Variants in PPP1R3D observed in about 807,000 individuals in gnomAD.
The protein encoded by PPP1R3D is PP1 subunit R6.
In PPP1R3D, 27 loss-of-function variants were observed where a neutral mutation model predicts 16.3. The observed-to-expected ratio is 1.66, with a 90% CI of 1.22 to 2.29. PPP1R3D has a LOEUF of 2.29. Ranked by LOEUF, PPP1R3D falls within the 30% of genes most tolerant of loss-of-function variation. The pLI is 0.00. For missense variants in PPP1R3D, 472 were observed against 438.3 expected (o/e 1.08, Z -0.69); for synonymous variants, 223 against 209.7 (o/e 1.06, Z -0.55).
chr20:59,939,889 C>G lies in PPP1R3D; in HGVS notation c.43G>C (p.Gly15Arg), dbSNP rs775847909. The change falls in exon 1 of 1, where the codon GGA becomes CGA. Residue 15 changes from glycine (G) to arginine (R), a missense_variant. Physicochemically the swap from Gly to Arg is moderately radical, Grantham distance 125. Transcript: ENST00000370996. Reference sequence around the variant, plus strand: ...CTCCGGGGGCCGAGCTTCCGGGATCCCAGGGCGCTAGGCAGGACCGCGGAG... The same window carrying G: ...CTCCGGGGGCCGAGCTTCCGGGATCGCAGGGCGCTAGGCAGGACCGCGGAG... ...PSSAVLPSAL[G>R]SRKLGPRSLS... 2.4e-6 allele frequency: 3 copies of G among 1,253,092 alleles called. No individual in the cohort carries two copies. Among genetic ancestry groups the G allele is most frequent in the Non-Finnish European group, 3.0e-6 (3 of 996,212 alleles). The allele number at this position is 1,253,092 out of a possible 1,614,324, so 77.6% of individuals were successfully genotyped here.
In PPP1R3D at chr20:59,939,519, T is replaced by G; in HGVS notation, c.413A>C (p.Asn138Thr). Residue 138 changes from asparagine to threonine, a missense_variant, in exon 1 of 1, where the codon AAC (asparagine) becomes ACC (threonine). By Grantham distance (65) the Asn-to-Thr change is moderately conservative (BLOSUM62 0). Transcript: ENST00000370996. ...PLHVLSRLAI[N>T]SDLCCSSQDL... ...CTGGCTGCTGCAGCACAGGTCCGAG[T>G]TGATTGCGAGCCGCGACAGCACGTG... 1 of 1,612,010 alleles carries G rather than the reference T, an allele frequency of 6.2e-7. No homozygotes were observed. The highest frequency in any genetic ancestry group is 8.5e-7 in the Non-Finnish European group (1 of 1,179,630).
rs1333089525 is a variant in PPP1R3D, at chr20:59,939,460, C to T, written c.472G>A (p.Asp158Asn). 6.2e-7 allele frequency: 1 copy of T among 1,611,890 alleles called. No homozygotes were observed. The highest frequency in any genetic ancestry group is 1.7e-5 in the Admixed American group (1 of 59,980). ...GCGGCCTCGACGGGCGGCGGGAAAT[C>T]GGGCACCAGGCAATGCAGGGTGAAC... ...LEFTLHCLVP[D>N]FPPPVEAADF... The change falls in exon 1 of 1, where the codon GAT (aspartate) becomes AAT (asparagine). Residue 158 changes from aspartate (D) to asparagine (N), a missense_variant. Physicochemically the swap from Asp to Asn is conservative, Grantham distance 23. Transcript: ENST00000370996.
rs2145947847 is a variant in PPP1R3D, at chr20:59,940,203, C to T, written c.-272G>A. ...GAGGCCTCCCGGGAGCGCAGGGTAG[C>T]GCCTCTTTTTTCTTCTTGCTTCCTT... On this transcript the variant is annotated 5_prime_UTR_variant, in exon 1 of 1. Transcript: ENST00000370996. The T allele has an allele frequency of 2.9e-6, 1 of 343,328 alleles. No individual in the cohort carries two copies. 21.3% of individuals were successfully genotyped at this position (343,328 alleles called of 1,614,324 possible). A position where few individuals can be genotyped will look rare whatever the true frequency, so the allele number is the denominator to read the frequency against.
chr20:59,937,194 T>C lies in PPP1R3D; in HGVS notation c.*1838A>G, dbSNP rs1331503535. 1 of 152,682 alleles carries C rather than the reference T, an allele frequency of 6.5e-6. No homozygotes were observed. The highest frequency in any genetic ancestry group is 1.5e-5 in the Non-Finnish European group (1 of 68,042). The allele number at this position is 152,682 out of a possible 1,614,324, so 9.5% of individuals were successfully genotyped here. A position where few individuals can be genotyped will look rare whatever the true frequency, so the allele number is the denominator to read the frequency against. The stretch of plus-strand genomic sequence containing the variant: ...TGCCTTAAAATAAATCTGGCAGCTC[T>C]TAACTCATATCTAAATTCTCTGGAC... On this transcript the variant is annotated 3_prime_UTR_variant, in exon 1 of 1. Coordinates refer to ENST00000370996, the MANE Select transcript of PPP1R3D (RefSeq NM_006242.4).
chr20:59,937,049 A>G lies in PPP1R3D; in HGVS notation c.*1983T>C, dbSNP rs1025319629. 2.1e-4 allele frequency: 32 copies of G among 152,634 alleles called. No individual in the cohort carries two copies. Among genetic ancestry groups the G allele is most frequent in the African/African-American group, 7.7e-4 (32 of 41,452 alleles). 9.5% of individuals were successfully genotyped at this position (152,634 alleles called of 1,614,324 possible). A position where few individuals can be genotyped will look rare whatever the true frequency, so the allele number is the denominator to read the frequency against. On this transcript the variant is annotated 3_prime_UTR_variant, in exon 1 of 1. Transcript: ENST00000370996. Reference sequence around the variant, plus strand: ...ATATATTTAAGCTTTTAAATTTCATAATGTTGGTATTTTTTAAAAGGCACG... The same window carrying G: ...ATATATTTAAGCTTTTAAATTTCATGATGTTGGTATTTTTTAAAAGGCACG...
chr20:59,937,763 A>C lies in PPP1R3D; in HGVS notation c.*1269T>G, dbSNP rs181185659. The C allele has an allele frequency of 7.7e-3, 1,172 of 152,362 alleles. 7 individuals carry two copies. Among genetic ancestry groups the C allele is most frequent in the Middle Eastern group, 0.027 (8 of 294 alleles). The allele number at this position is 152,362 out of a possible 1,614,324, so 9.4% of individuals were successfully genotyped here. A position where few individuals can be genotyped will look rare whatever the true frequency, so the allele number is the denominator to read the frequency against. On this transcript the variant is annotated 3_prime_UTR_variant, in exon 1 of 1. Transcript: ENST00000370996. ...TCAGCCTGGAGTTCTTTGGAGTTTTAAGTGATTGCCTAACTCAGCAGGGGA... is the reference window on the plus strand; with the variant it reads ...TCAGCCTGGAGTTCTTTGGAGTTTTCAGTGATTGCCTAACTCAGCAGGGGA...
In PPP1R3D at chr20:59,939,517, A is replaced by C; in HGVS notation, c.415T>G (p.Ser139Ala). Residue 139 changes from serine to alanine, a missense_variant, in exon 1 of 1, where the codon TCG becomes GCG. Physicochemically the swap from Ser to Ala is moderately conservative, Grantham distance 99 (BLOSUM62 1). Transcript: ENST00000370996. ...LHVLSRLAIN[S>A]DLCCSSQDLE... ...TCCTGGCTGCTGCAGCACAGGTCCGAGTTGATTGCGAGCCGCGACAGCACG... is the reference window on the plus strand; with the variant it reads ...TCCTGGCTGCTGCAGCACAGGTCCGCGTTGATTGCGAGCCGCGACAGCACG... 1 of 1,612,076 alleles carries C rather than the reference A, an allele frequency of 6.2e-7. No homozygotes were observed. The highest frequency in any genetic ancestry group is 8.5e-7 in the Non-Finnish European group (1 of 1,179,658).
rs2145947297 is a variant in PPP1R3D, at chr20:59,939,830, C to G, written c.102G>C (p.Val34=). 2 of 1,238,012 alleles carry G rather than the reference C, an allele frequency of 1.6e-6. No individual in the cohort carries two copies. The highest frequency in any genetic ancestry group is 3.1e-5 in the African/African-American group (2 of 64,526). The allele number at this position is 1,238,012 out of a possible 1,614,324, so 76.7% of individuals were successfully genotyped here. ...GCCTACAGGCCCGCGGCTCCAGGGC[C>G]ACGCCGCCGTCCAGGTCCGACAGGC... ...LSCLSDLDGG[V]ALEPRACRPP... is the part of the protein sequence containing the mutation. The change falls in exon 1 of 1, where the codon GTG becomes GTC. Residue 34 remains valine (V), a synonymous_variant. Coordinates refer to ENST00000370996, the MANE Select transcript of PPP1R3D (RefSeq NM_006242.4).
At position 59,939,867 on chromosome 20, in the gene PPP1R3D, CG is replaced by C. The variant is rs1378992413; in HGVS notation, c.64del (p.Arg22GlyfsTer317). Reference protein sequence around the residue: ...SALGSRKLGPRSLSCLSDLDG... With the variant: ...SALGSRKLGPXSLSCLSDLDG... ...CAGGTCCGACAGGCAGCTGAGGCTC[CG>C]GGGGCCGAGCTTCCGGGATCCCAGG... On this transcript the variant is annotated frameshift_variant, in exon 1 of 1. Coordinates refer to ENST00000370996, the MANE Select transcript of PPP1R3D (RefSeq NM_006242.4). LOFTEE classifies it high-confidence loss of function. 9 of 1,246,890 alleles carry C rather than the reference CG, an allele frequency of 7.2e-6. No homozygotes were observed. Among genetic ancestry groups the C allele is most frequent in the Non-Finnish European group, 7.0e-6 (7 of 994,546 alleles). The allele number at this position is 1,246,890 out of a possible 1,614,324, so 77.2% of individuals were successfully genotyped here.
In PPP1R3D at chr20:59,939,440, C is replaced by A; in HGVS notation, c.492G>T (p.Glu164Asp). 6.2e-7 allele frequency: 1 copy of A among 1,611,628 alleles called. No individual in the cohort carries two copies. The highest frequency in any genetic ancestry group is 1.3e-5 in the African/African-American group (1 of 75,046). Residue 164 changes from glutamate to aspartate, a missense_variant, in exon 1 of 1, where the codon GAG becomes GAT. Physicochemically the swap from Glu to Asp is conservative, Grantham distance 45 (BLOSUM62 2). Transcript: ENST00000370996. ...CLVPDFPPPV[E>D]AADFGERLQR... ...GCAGGCGCTCGCCAAAGTCGGCGGC[C>A]TCGACGGGCGGCGGGAAATCGGGCA...
In PPP1R3D at chr20:59,940,290, C is replaced by T. The variant is rs1477296586; in HGVS notation, c.-359G>A. The T allele has an allele frequency of 1.1e-5, 2 of 184,790 alleles. No homozygotes were observed. Among genetic ancestry groups the T allele is most frequent in the Middle Eastern group, 2.2e-3 (1 of 460 alleles). The allele number at this position is 184,790 out of a possible 1,614,324, so 11.4% of individuals were successfully genotyped here. A position where few individuals can be genotyped will look rare whatever the true frequency, so the allele number is the denominator to read the frequency against. On this transcript the variant is annotated 5_prime_UTR_variant, in exon 1 of 1. Coordinates refer to ENST00000370996, the MANE Select transcript of PPP1R3D (RefSeq NM_006242.4). ...CCCCTCCCACTTTCCCGGTCCGCGG[C>T]GTTACTTACAAGGCTGCAACTTGAC...
In PPP1R3D at chr20:59,939,424, C is replaced by G; in HGVS notation, c.508G>C (p.Glu170Gln). ...PPPVEAADFG[E>Q]RLQRQLVCLE... is the part of the protein sequence containing the mutation. ...CACACGAGCTGCCGCTGCAGGCGCT[C>G]GCCAAAGTCGGCGGCCTCGACGGGC... Residue 170 changes from glutamate to glutamine, a missense_variant, in exon 1 of 1, where the codon GAG (glutamate) becomes CAG (glutamine). Physicochemically the swap from Glu to Gln is conservative, Grantham distance 29 (BLOSUM62 2). Transcript: ENST00000370996. The G allele has an allele frequency of 6.2e-7, 1 of 1,611,104 alleles. No homozygotes were observed. Among genetic ancestry groups the G allele is most frequent in the South Asian group, 1.1e-5 (1 of 91,004 alleles).
At position 59,938,724 on chromosome 20, in the gene PPP1R3D, T is replaced by C; in HGVS notation, c.*308A>G. ...TTTCCTAGCAGGAGGACTTGGGCCT[T>C]TGCAAAACAAGCTGCTTGGGCCTCC... On this transcript the variant is annotated 3_prime_UTR_variant, in exon 1 of 1. Transcript: ENST00000370996. 1 of 275,358 alleles carries C rather than the reference T, an allele frequency of 3.6e-6. No homozygotes were observed. Among genetic ancestry groups the C allele is most frequent in the South Asian group, 1.6e-4 (1 of 6,296 alleles). The allele number at this position is 275,358 out of a possible 1,614,324, so 17.1% of individuals were successfully genotyped here.
In PPP1R3D at chr20:59,938,277, G is replaced by A. The variant is rs1269120388; in HGVS notation, c.*755C>T. Reference sequence around the variant, plus strand: ...ATGAAATCAGAATTGTGAATGCAGAGAAATAACTGTTTTGCTAGTTTAAAA... The same window carrying A: ...ATGAAATCAGAATTGTGAATGCAGAAAAATAACTGTTTTGCTAGTTTAAAA... On this transcript the variant is annotated 3_prime_UTR_variant, in exon 1 of 1. Coordinates refer to ENST00000370996, the MANE Select transcript of PPP1R3D (RefSeq NM_006242.4). The A allele has an allele frequency of 6.6e-6, 1 of 152,262 alleles. No homozygotes were observed. The allele number at this position is 152,262 out of a possible 1,614,324, so 9.4% of individuals were successfully genotyped here.
In PPP1R3D at chr20:59,939,629, GA is replaced by G; in HGVS notation, c.302del (p.Leu101ProfsTer238). 1 of 1,582,772 alleles carries G rather than the reference GA, an allele frequency of 6.3e-7. No homozygotes were observed. Among genetic ancestry groups the G allele is most frequent in the Non-Finnish European group, 8.6e-7 (1 of 1,167,426 alleles). On this transcript the variant is annotated frameshift_variant, in exon 1 of 1. Transcript: ENST00000370996. LOFTEE classifies it high-confidence loss of function. ...AACRPGCSQK[L>X]RVRFADALGL... ...CCAGGGCGTCGGCGAAGCGCACGCG[GA>G]GCTTCTGGCTGCAGCCCGGCCGACA...
Position 59,937,572 on chromosome 20 carries a change from G to C in PPP1R3D, c.*1460C>G, listed in dbSNP as rs1351915155. ...GCCAACAAGCATTCAAAAATTTAGA[G>C]TTAATTTCTTGGTGACAGGTAGCAT... is the stretch of plus-strand genomic sequence containing the variant. On this transcript the variant is annotated 3_prime_UTR_variant, in exon 1 of 1. Coordinates refer to ENST00000370996, the MANE Select transcript of PPP1R3D (RefSeq NM_006242.4). 1 of 152,242 alleles carries C rather than the reference G, an allele frequency of 6.6e-6. No individual in the cohort carries two copies. The highest frequency in any genetic ancestry group is 1.5e-5 in the Non-Finnish European group (1 of 68,012). 9.4% of individuals were successfully genotyped at this position (152,242 alleles called of 1,614,324 possible).
At position 59,939,172 on chromosome 20, in the gene PPP1R3D, G is replaced by A; in HGVS notation, c.760C>T (p.His254Tyr). ...PFLLELGSRV[H>Y]FAVRYQVAGA... ...GCCACTTGGTAGCGCACCGCGAAGT[G>A]CACGCGGGAGCCGAGCTCCAGCAGG... is the stretch of plus-strand genomic sequence containing the variant. The change falls in exon 1 of 1, where the codon CAC becomes TAC. Residue 254 changes from histidine (H) to tyrosine (Y), a missense_variant. By Grantham distance (83) the His-to-Tyr change is moderately conservative. Transcript: ENST00000370996. 1 of 1,609,824 alleles carries A rather than the reference G, an allele frequency of 6.2e-7. No individual in the cohort carries two copies. Among genetic ancestry groups the A allele is most frequent in the South Asian group, 1.1e-5 (1 of 91,000 alleles).
At position 59,937,947 on chromosome 20, in the gene PPP1R3D, A is replaced by G. The variant is rs2060872222; in HGVS notation, c.*1085T>C. 6.6e-6 allele frequency: 1 copy of G among 152,264 alleles called. No individual in the cohort carries two copies. The highest frequency in any genetic ancestry group is 1.5e-5 in the Non-Finnish European group (1 of 68,048). 9.4% of individuals were successfully genotyped at this position (152,264 alleles called of 1,614,324 possible). On this transcript the variant is annotated 3_prime_UTR_variant, in exon 1 of 1. Transcript: ENST00000370996. ...ATGATGTATGTAAATACAGTTCAAA[A>G]CAATTTAAAAGTATAAATATTTGTC... is the stretch of plus-strand genomic sequence containing the variant.
chr20:59,938,899 T>C lies in PPP1R3D; in HGVS notation c.*133A>G. On this transcript the variant is annotated 3_prime_UTR_variant, in exon 1 of 1. Transcript: ENST00000370996. ...CAGGATGGGCCACTGCCAGGGGACC[T>C]TGCAGCAGAAAATTAGGTCAGAGGA... 1 of 871,330 alleles carries C rather than the reference T, an allele frequency of 1.1e-6. No homozygotes were observed. The allele number at this position is 871,330 out of a possible 1,614,324, so 54.0% of individuals were successfully genotyped here.
Sources: allele counts gnomAD v4.1 joint callset, GRCh38; gene constraint gnomAD v4.1.1; transcripts MANE v1.5; gene names NCBI Gene and HGNC (gene_info 2026-07-23, HGNC 2026-07-21).